Variants in GPC6 observed in about 807,000 individuals in gnomAD.
The protein encoded by GPC6 is glypican 6, also known as glypican-6.
A neutral mutation model predicts 55.2 loss-of-function variants in GPC6; 14 were observed. The observed-to-expected ratio is 0.25, with a 90% CI of 0.17 to 0.40. The LOEUF is 0.40. Among genes scored for constraint, GPC6 ranks in the 10% least tolerant of loss-of-function variants. GPC6 has a pLI of 1.00. For missense variants in GPC6, 641 were observed against 708.5 expected (o/e 0.90, Z 1.08); for synonymous variants, 278 against 259.6 (o/e 1.07, Z -0.68).
intron 1 of GPC6, among the ~76,000 whole-genome samples, chr13:93,359,458 T>C (rs1472389249): frequency 6.6e-6 from 1 of 152,128 alleles, no homozygotes; most frequent in Non-Finnish European, 1.5e-5. Context: ...ATTACAAGCT[T>C]TGAGTGACAA....
chr13:93,681,873 G>A (rs764352606), intron 2 of GPC6, among the ~76,000 whole-genome samples: 19 of 151,964 alleles, frequency 1.3e-4, no homozygotes, highest in Non-Finnish European at 1.9e-4. Flanking sequence ...TAAATGCTAC[G>A]GGTTACATTG....
chr13:93,418,709 T>C (rs116301652), intron 1 of GPC6, among the ~76,000 whole-genome samples: 2,841 of 151,252 alleles, frequency 0.019, 113 homozygotes, highest in African/African-American at 0.065. Flanking sequence ...TGTCATTTTG[T>C]TAATAGCACT....
chr13:93,359,392 A>G (rs1266013443), intron 1 of GPC6, among the ~76,000 whole-genome samples: 2 of 152,100 alleles, frequency 1.3e-5, no homozygotes, highest in African/African-American at 4.8e-5. Context: ...CTGTTACTCA[A>G]CTTCCTCATC....
intron 4 of GPC6, among the ~76,000 whole-genome samples, chr13:94,133,489 C>T (rs894690956): frequency 9.2e-5 from 14 of 152,036 alleles, no homozygotes; most frequent in African/African-American, 3.1e-4. Flanking sequence ...TACAAGATAT[C>T]TTGGCAGAAC....
At chr13:94,027,987 A>C in intron 4 of GPC6, 93 bp downstream of exon 4, 3 of 1,144,450 alleles carry the variant, frequency 2.6e-6, no homozygotes, top group Middle Eastern at 5.4e-4. Flanking sequence ...ATAAGAAACC[A>C]GACACAGTGG....
chr13:93,656,435 T>G (rs776329328), intron 2 of GPC6, among the ~76,000 whole-genome samples: 1 of 152,124 alleles, frequency 6.6e-6, no homozygotes, highest in Non-Finnish European at 1.5e-5. Context: ...CTCCTATACC[T>G]GGACCATTGT....
At chr13:94,047,712 A>C (rs1015293218) in intron 4 of GPC6, among the ~76,000 whole-genome samples, 2 of 152,290 alleles carry the variant, frequency 1.3e-5, no homozygotes, top group South Asian at 4.1e-4. Context: ...AGATTTAACC[A>C]GTCTAACTTA....
rs116773119 is a variant in GPC6, at chr13:93,977,048, G to A, written c.712-50681G>A. 4.0e-3 allele frequency among the ~76,000 whole-genome samples: 616 copies of A among 152,170 alleles called. 9 individuals are homozygous for A. Among genetic ancestry groups the A allele is most frequent in the African/African-American group, 0.014 (587 of 41,502 alleles). ...GATGACGGCTCCTAGCCTGCAGTTG[G>A]TGGGATATAAATTTCCACTTCTGAA... On this transcript the variant is annotated intron_variant, in intron 3 of 8. Coordinates refer to ENST00000377047, the MANE Select transcript of GPC6 (RefSeq NM_005708.5).
At chr13:93,400,112 T>C (rs929817900) in intron 1 of GPC6, among the ~76,000 whole-genome samples, 3 of 152,156 alleles carry the variant, frequency 2.0e-5, no homozygotes, top group African/African-American at 7.2e-5. Context: ...GACGGGGAGA[T>C]GCAGCTAGCC....
Position 94,352,559 on chromosome 13 carries a change from G to A in GPC6, c.1153-29855G>A, listed in dbSNP as rs142828896. Among the ~76,000 whole-genome samples, 475 of 151,952 alleles carry A rather than the reference G, an allele frequency of 3.1e-3. 4 individuals carry two copies. Among genetic ancestry groups the A allele is most frequent in the African/African-American group, 0.011 (450 of 41,440 alleles). ...AGACTAGCTGAGCACCTCAACGGAAGGTCACAATTCCCCTCTGCTGGCTAG... is the reference window on the plus strand; with the variant it reads ...AGACTAGCTGAGCACCTCAACGGAAAGTCACAATTCCCCTCTGCTGGCTAG... On this transcript the variant is annotated intron_variant, in intron 6 of 8. Transcript: ENST00000377047.
intron 4 of GPC6, among the ~76,000 whole-genome samples, chr13:94,148,390 A>G (rs1294948816): frequency 6.6e-6 from 1 of 152,224 alleles, no homozygotes; most frequent in East Asian, 1.9e-4. Context: ...GGAAAAACTC[A>G]TTACAGGAAA....
intron 4 of GPC6, among the ~76,000 whole-genome samples, chr13:94,028,120 C>A (rs551184140): frequency 3.2e-4 from 48 of 152,108 alleles, no homozygotes; most frequent in Non-Finnish European, 5.9e-4. Context: ...AAAAAATAAG[C>A]TGGGCGTGGT....
At chr13:94,114,896 A>G (rs1429863681) in intron 4 of GPC6, among the ~76,000 whole-genome samples, 1 of 152,154 alleles carries the variant, frequency 6.6e-6, no homozygotes, top group Non-Finnish European at 1.5e-5. Context: ...GCAGGTTTAG[A>G]AAACGAGACA....
intron 1 of GPC6, among the ~76,000 whole-genome samples, chr13:93,327,432 A>G (rs1454131401): frequency 6.6e-6 from 1 of 152,080 alleles, no homozygotes. Flanking sequence ...TTCCTTTTAC[A>G]CTTGTTCATT....
At chr13:94,363,070 G>A (rs780946841) in intron 6 of GPC6, among the ~76,000 whole-genome samples, 2 of 152,010 alleles carry the variant, frequency 1.3e-5, no homozygotes, top group Admixed American at 6.6e-5. Context: ...GCCCTGGTGT[G>A]TGATGTTGCC....
At chr13:93,948,592 G>A (rs192165076) in intron 3 of GPC6, among the ~76,000 whole-genome samples, 1 of 152,284 alleles carries the variant, frequency 6.6e-6, no homozygotes, top group Admixed American at 6.5e-5. Flanking sequence ...GCAGAAATAT[G>A]ATTGAATGCA....
intron 2 of GPC6, among the ~76,000 whole-genome samples, chr13:93,727,414 G>T (rs1022265059): frequency 6.6e-6 from 1 of 151,950 alleles, no homozygotes; most frequent in African/African-American, 2.4e-5. Flanking sequence ...CACCCCATTT[G>T]CCCTATCTGG....
At chr13:93,291,226 C>T (rs570296664) in intron 1 of GPC6, among the ~76,000 whole-genome samples, 3 of 152,136 alleles carry the variant, frequency 2.0e-5, no homozygotes, top group Non-Finnish European at 2.9e-5. Context: ...GATGGCCAGA[C>T]CTCTGCTTAG....
chr13:93,638,514 C>G (rs903746089), intron 2 of GPC6, among the ~76,000 whole-genome samples: 1 of 152,040 alleles, frequency 6.6e-6, no homozygotes, highest in Non-Finnish European at 1.5e-5. Flanking sequence ...ATGTTTGTAT[C>G]TTATTAAAAA....
Sources: gnomAD v4.1 joint callset for allele counts (sites outside exome capture counted in the v4.1 genomes callset) on GRCh38, gnomAD v4.1.1 for gene constraint, MANE v1.5 for transcripts, NCBI Gene and HGNC (gene_info 2026-07-23, HGNC 2026-07-21) for gene names.